The following UNC5B variants were observed in gnomAD, a reference collection of about 807,000 sequenced individuals.
UNC5B encodes netrin receptor UNC5B.
In UNC5B, 56 loss-of-function variants were observed where a neutral mutation model predicts 103.7. The ratio of observed to expected loss-of-function variants is 0.54; its 90% CI spans 0.44 to 0.67. The LOEUF (loss-of-function observed/expected upper bound fraction) is 0.67, where lower values mean the gene tolerates loss of function less well. Among genes scored for constraint, UNC5B ranks in the 30% least tolerant of loss-of-function variants. UNC5B has a pLI of 0.00. For missense variants in UNC5B, 1,194 were observed against 1,284.5 expected, an observed-to-expected ratio of 0.93 and a Z score of 1.08; for synonymous variants, 577 against 542.0, an observed-to-expected ratio of 1.06 and a Z score of -0.90.
intron 8 of UNC5B, among the ~76,000 whole-genome samples, chr10:71,290,268 C>T (rs1456377192): frequency 6.6e-6 from 1 of 152,164 alleles, no homozygotes; most frequent in Non-Finnish European, 1.5e-5. Flanking sequence ...GCCACTTTGA[C>T]CTTGAGGCTT....
At chr10:71,266,497 A>C (rs1190835698) in intron 1 of UNC5B, among the ~76,000 whole-genome samples, 1 of 152,194 alleles carries the variant, frequency 6.6e-6, no homozygotes, top group East Asian at 1.9e-4. Flanking sequence ...CAGCAGGTGC[A>C]AACAAGCAGG....
chr10:71,286,213 T>C (rs958159003), intron 4 of UNC5B, among the ~76,000 whole-genome samples: 4 of 152,116 alleles, frequency 2.6e-5, no homozygotes, highest in Non-Finnish European at 5.9e-5. Flanking sequence ...AGCTGGTGAG[T>C]GGCAGAGCTG....
rs775350591 is a variant in UNC5B at position 71,291,715 on chromosome 10, C to T, written c.1578C>T (p.Ser526=). The change falls in exon 10 of 17, where the codon AGC becomes AGT. Residue 526 remains serine, a synonymous_variant. Transcript: ENST00000335350. The part of the protein sequence containing the change: ...ARDTHFLHLR[S]ASLGSQQLLG... Reference sequence around the variant, plus strand: ...ACACCCACTTCCTGCACCTGCGCAGCGCCAGCCTCGGTTCCCAGCAGCTCT... The same window carrying T: ...ACACCCACTTCCTGCACCTGCGCAGTGCCAGCCTCGGTTCCCAGCAGCTCT... 1.9e-5 allele frequency: 30 copies of T among 1,612,360 alleles called. No homozygotes were observed. Among genetic ancestry groups the T allele is most frequent in the African/African-American group, 1.6e-4 (12 of 74,938 alleles).
At chr10:71,220,957 C>T (rs1273637502) in intron 1 of UNC5B, among the ~76,000 whole-genome samples, 3 of 152,168 alleles carry the variant, frequency 2.0e-5, no homozygotes, top group Non-Finnish European at 4.4e-5. Context: ...TCTGTAAGTC[C>T]GGAGTGGGGC....
chr10:71,290,767 T>G (rs1287652295), intron 8 of UNC5B, 148 bp from the exon 9 acceptor site: 1 of 914,032 alleles, frequency 1.1e-6, no homozygotes, highest in African/African-American at 1.7e-5. Flanking sequence ...AGCCCGAGGT[T>G]GCCAGCCTGT....
At chr10:71,296,344 G>GACAC (rs1048158741) in intron 14 of UNC5B, among the ~76,000 whole-genome samples, 1 of 151,988 alleles carries the variant, frequency 6.6e-6, no homozygotes, top group Non-Finnish European at 1.5e-5. Flanking sequence ...CCTAGCCCCT[G>GACAC]ACACACACAC....
chr10:71,224,879 TA>T (rs1271468578), intron 1 of UNC5B, among the ~76,000 whole-genome samples: 1 of 152,234 alleles, frequency 6.6e-6, no homozygotes, highest in Non-Finnish European at 1.5e-5. Flanking sequence ...ATATTAGACA[TA>T]AGGTACAGTA....
chr10:71,234,461 TG>T (rs200134319), intron 1 of UNC5B, among the ~76,000 whole-genome samples: 1,982 of 152,338 alleles, frequency 0.013, 41 homozygotes, highest in African/African-American at 0.045. Flanking sequence ...CACCATGTTG[TG>T]GGGTTTCACT....
intron 1 of UNC5B, among the ~76,000 whole-genome samples, chr10:71,234,422 C>T (rs535298401): frequency 2.0e-5 from 3 of 152,348 alleles, no homozygotes; most frequent in Admixed American, 1.3e-4. Context: ...CATCGGAAAA[C>T]CTGCTCTCTG....
intron 3 of UNC5B, among the ~76,000 whole-genome samples, 187 bp from the exon 4 acceptor site, chr10:71,285,139 C>T (rs1406286921): frequency 6.6e-6 from 1 of 152,246 alleles, no homozygotes; most frequent in East Asian, 1.9e-4. Flanking sequence ...AGGGAGGGAA[C>T]CCTGTTCCCC....
intron 4 of UNC5B, among the ~76,000 whole-genome samples, chr10:71,286,473 A>T (rs1845083627): frequency 6.6e-6 from 1 of 152,152 alleles, no homozygotes; most frequent in Non-Finnish European, 1.5e-5. Context: ...CAGTTGATGA[A>T]ATTGAGTCCC....
chr10:71,291,296 CG>C, intron 9 of UNC5B, 135 bp from the exon 10 acceptor site: 1 of 1,407,868 alleles, frequency 7.1e-7, no homozygotes. Context: ...ACCCAGGCTG[CG>C]GGATTCCCAA....
At chr10:71,248,603 G>A (rs998313549) in intron 1 of UNC5B, among the ~76,000 whole-genome samples, 23 of 152,154 alleles carry the variant, frequency 1.5e-4, no homozygotes, top group Admixed American at 1.4e-3. Context: ...CACGGTTAGT[G>A]TAACAACCCC....
At position 71,293,407 on chromosome 10, in the gene UNC5B, C is replaced by T. The variant is rs201202662; in HGVS notation, c.1775C>T (p.Pro592Leu). Reference protein sequence around the residue: ...LLINKAESTLPLSEGTQTVLS... With the variant: ...LLINKAESTLLLSEGTQTVLS... ...TCCTACCCTGTGTCCTCCTCCAGCC[C>T]GCTTTCAGAAGGGACCCAGACAGTA... is the stretch of plus-strand genomic sequence containing the variant. Residue 592 changes from proline (P) to leucine (L), a missense_variant and splice_region_variant, in exon 12 of 17, where the codon CCG (proline) becomes CTG (leucine). By Grantham distance (98) the Pro-to-Leu change is moderately conservative. Transcript: ENST00000335350. The T allele has an allele frequency of 9.9e-6, 16 of 1,611,730 alleles. No individual in the cohort carries two copies. Among genetic ancestry groups the T allele is most frequent in the Middle Eastern group, 1.7e-4 (1 of 6,050 alleles).
At chr10:71,269,139 C>G (rs1844587629) in intron 1 of UNC5B, among the ~76,000 whole-genome samples, 1 of 152,056 alleles carries the variant, frequency 6.6e-6, no homozygotes, top group South Asian at 2.1e-4. Context: ...ATGGTGAGAC[C>G]AGATTTAGGT....
rs1010488212 is a variant in UNC5B at position 71,286,595 on chromosome 10, G to A, written c.553-94G>A. On this transcript the variant is annotated intron_variant, in intron 4 of 16. Coordinates refer to ENST00000335350, the MANE Select transcript of UNC5B (RefSeq NM_170744.5). Reference sequence around the variant, plus strand: ...CACCAAGGCCCTGCCTCACTGCCACGACTATGGCGTGGACCCAGGTAGAAC... The same window carrying A: ...CACCAAGGCCCTGCCTCACTGCCACAACTATGGCGTGGACCCAGGTAGAAC... 35 of 1,502,134 alleles carry A rather than the reference G, an allele frequency of 2.3e-5. No homozygotes were observed. In the Admixed American group the frequency reaches 4.0e-4, roughly 17 times the overall value. The allele number at this position is 1,502,134 out of a possible 1,614,324, so 93.1% of individuals were successfully genotyped here. A position where few individuals can be genotyped will look rare whatever the true frequency, so the allele number is the denominator to read the frequency against.
chr10:71,276,553 C>T (rs981637626), intron 1 of UNC5B, among the ~76,000 whole-genome samples: 2 of 152,244 alleles, frequency 1.3e-5, no homozygotes, highest in Admixed American at 6.5e-5. Flanking sequence ...CCCACCTCAG[C>T]CTCCCGAGTA....
Position 71,291,422 on chromosome 10 carries a change from A to G in UNC5B, c.1295-10A>G, listed in dbSNP as rs372014100. The G allele has an allele frequency of 1.9e-6, 3 of 1,588,666 alleles. No individual in the cohort carries two copies. Among genetic ancestry groups the G allele is most frequent in the African/African-American group, 2.7e-5 (2 of 74,216 alleles). On this transcript the variant is annotated splice_polypyrimidine_tract_variant and intron_variant, in intron 9 of 16. Coordinates refer to ENST00000335350, the MANE Select transcript of UNC5B (RefSeq NM_170744.5). The stretch of plus-strand genomic sequence containing the variant: ...ACAGCTGGGTCTGACTATAGCCCCT[A>G]CTCCTGCAGGCAACCCGCAGCTCCT...
intron 13 of UNC5B, among the ~76,000 whole-genome samples, chr10:71,295,059 C>G (rs1480213019): frequency 6.6e-6 from 1 of 152,202 alleles, no homozygotes; most frequent in Middle Eastern, 3.2e-3. Flanking sequence ...CCCCGTCCAG[C>G]TCCTTCATCT....
Sources: gnomAD v4.1 joint callset for allele counts (sites outside exome capture counted in the v4.1 genomes callset) on GRCh38, gnomAD v4.1.1 for gene constraint, MANE v1.5 for transcripts, NCBI Gene and HGNC (gene_info 2026-07-23, HGNC 2026-07-21) for gene names.